Variants in DIP2B observed in about 807,000 individuals in gnomAD.
DIP2B encodes disco-interacting protein 2 homolog B.
DIP2B carries 76 observed loss-of-function variants against 198.0 expected under a neutral mutation model. That is an observed-to-expected ratio of 0.38 (90% CI 0.32 to 0.46). The LOEUF is 0.46. DIP2B is among the 20% of genes least tolerant of loss of function. DIP2B has a pLI of 0.99. For synonymous variants in DIP2B, 701 were observed against 739.1 expected (o/e 0.95, Z 0.84); for missense variants, 1,559 against 1,978.4 (o/e 0.79, Z 4.02).
intron 1 of DIP2B, among the ~76,000 whole-genome samples, chr12:50,600,913 C>CACCACCACCACCACCACCACCACCACT (rs1412736172): frequency 6.7e-6 from 1 of 148,404 alleles, no homozygotes. Context: ...CCACCACCAC[C>CACCACCACCACCACCACCACCACCACT]ACCACCACCA....
At chr12:50,609,403 C>G (rs2139451460) in intron 1 of DIP2B, among the ~76,000 whole-genome samples, 1 of 152,306 alleles carries the variant, frequency 6.6e-6, no homozygotes, top group South Asian at 2.1e-4. Flanking sequence ...AAGTTTATTT[C>G]TAGGTCATGC....
Position 50,744,720 on chromosome 12 carries a change from G to A in DIP2B, c.4612G>A (p.Val1538Ile), listed in dbSNP as rs1940317531. The A allele has an allele frequency of 7.4e-6, 12 of 1,614,064 alleles. No individual in the cohort carries two copies. The highest frequency in any genetic ancestry group is 9.3e-6 in the Non-Finnish European group (11 of 1,180,050). ...EEHYLIVGVV[V>I]VVDPGVIPIN... The stretch of plus-strand genomic sequence containing the variant: ...GCATTACCTCATCGTTGGCGTCGTG[G>A]TTGTGGTGGACCCAGGTGTCATCCC... Residue 1538 changes from valine to isoleucine, a missense_variant, in exon 38 of 38, where the codon GTT becomes ATT. Transcript: ENST00000301180.
intron 1 of DIP2B, among the ~76,000 whole-genome samples, chr12:50,583,737 A>G (rs551763177): frequency 6.6e-6 from 1 of 152,344 alleles, no homozygotes; most frequent in African/African-American, 2.4e-5. Flanking sequence ...ATCTGTGCAG[A>G]TAACACTCTG....
chr12:50,550,255 C>T (rs944435760), intron 1 of DIP2B, among the ~76,000 whole-genome samples: 1 of 152,034 alleles, frequency 6.6e-6, no homozygotes. Context: ...ACAGTGTACT[C>T]GTGGGGCCAG....
intron 1 of DIP2B, among the ~76,000 whole-genome samples, chr12:50,602,878 A>C: frequency 1.0e-5 from 1 of 99,418 alleles, no homozygotes; most frequent in Non-Finnish European, 2.1e-5. Context: ...AAAAAAAAAA[A>C]AATTGGCGGG....
rs930360473 is a variant in DIP2B, at chr12:50,580,507, C to G, written c.101-45469C>G. Reference sequence around the variant, plus strand: ...AAATTTTATTATCTATATTTTTACTCCAGTCTACTTTATCCTTTCTTTTCT... The same window carrying G: ...AAATTTTATTATCTATATTTTTACTGCAGTCTACTTTATCCTTTCTTTTCT... On this transcript the variant is annotated intron_variant, in intron 1 of 37. Coordinates refer to ENST00000301180, the MANE Select transcript of DIP2B (RefSeq NM_173602.3). Among the ~76,000 whole-genome samples, 26 of 146,078 alleles carry G rather than the reference C, an allele frequency of 1.8e-4. 3 individuals are homozygous for G. The highest frequency in any genetic ancestry group is 6.0e-4 in the African/African-American group (24 of 40,250).
chr12:50,546,594 C>T (rs1958379609), intron 1 of DIP2B, among the ~76,000 whole-genome samples: 1 of 152,152 alleles, frequency 6.6e-6, no homozygotes, highest in South Asian at 2.1e-4. Flanking sequence ...TCTCAATGTC[C>T]TTATCTGGAA....
At chr12:50,741,364 G>A in intron 36 of DIP2B, 52 bp from the exon 37 acceptor site, 1 of 1,592,140 alleles carries the variant, frequency 6.3e-7, no homozygotes, top group East Asian at 2.2e-5. Flanking sequence ...CCAGTGTTAT[G>A]TTGCACTCAG....
intron 4 of DIP2B, among the ~76,000 whole-genome samples, chr12:50,663,814 G>T (rs1378302623): frequency 2.0e-5 from 3 of 146,988 alleles, no homozygotes; most frequent in Non-Finnish European, 4.5e-5. Flanking sequence ...AGGCTGCAGT[G>T]AGCCGAGATC....
At chr12:50,641,593 T>G (rs997486156) in intron 3 of DIP2B, among the ~76,000 whole-genome samples, 2 of 152,096 alleles carry the variant, frequency 1.3e-5, no homozygotes, top group African/African-American at 4.8e-5. Flanking sequence ...GAAAGAAAAC[T>G]CACAATGAAA....
intron 2 of DIP2B, among the ~76,000 whole-genome samples, chr12:50,631,239 T>TC (rs1290258911): frequency 1.3e-5 from 2 of 151,598 alleles, no homozygotes; most frequent in Non-Finnish European, 2.9e-5. Flanking sequence ...AGCGATTTTT[T>TC]TTTTTTGAGA....
chr12:50,591,639 TA>T (rs1958819684), intron 1 of DIP2B, among the ~76,000 whole-genome samples: 2 of 151,650 alleles, frequency 1.3e-5, no homozygotes, highest in African/African-American at 4.8e-5. Context: ...TTTTTTTTTT[TA>T]ATAGAAACAT....
chr12:50,613,992 G>A (rs1372283804), intron 1 of DIP2B, among the ~76,000 whole-genome samples: 3 of 151,768 alleles, frequency 2.0e-5, no homozygotes, highest in Admixed American at 6.6e-5. Flanking sequence ...CCATCTTTAA[G>A]AAAAAGAAAA....
Position 50,505,076 on chromosome 12 carries a change from C to T in DIP2B, c.-65C>T, listed in dbSNP as rs900912468. ...CGGATCCTGTAGCCGGGTGTGGGCC[C>T]GTGTCTGTCCGTCCCTCCTTCGGCC... On this transcript the variant is annotated 5_prime_UTR_variant, in exon 1 of 38. Coordinates refer to ENST00000301180, the MANE Select transcript of DIP2B (RefSeq NM_173602.3). 4.2e-6 allele frequency: 6 copies of T among 1,444,324 alleles called. No individual in the cohort carries two copies. In the African/African-American group the frequency reaches 7.3e-5, roughly 18 times the overall value. 89.5% of individuals were successfully genotyped at this position (1,444,324 alleles called of 1,614,324 possible).
chr12:50,714,573 C>A lies in DIP2B; in HGVS notation c.2828C>A (p.Pro943Gln). ...MCPHTCVTNL[P>Q]KPRQKQPGVG... ...CCCCATACATGTGTGACAAACTTGC[C>A]AAAGCCCCGGCAAAAACAACCAGGT... The change falls in exon 23 of 38, where the codon CCA becomes CAA. Residue 943 changes from proline (P) to glutamine (Q), a missense_variant. Physicochemically the swap from Pro to Gln is moderately conservative, Grantham distance 76 (BLOSUM62 -1). Coordinates refer to ENST00000301180, the MANE Select transcript of DIP2B (RefSeq NM_173602.3). 1 of 1,614,048 alleles carries A rather than the reference C, an allele frequency of 6.2e-7. No individual in the cohort carries two copies. Among genetic ancestry groups the A allele is most frequent in the South Asian group, 1.1e-5 (1 of 91,070 alleles).
chr12:50,741,842 T>C (rs1293534421), intron 37 of DIP2B, among the ~76,000 whole-genome samples: 1 of 152,198 alleles, frequency 6.6e-6, no homozygotes, highest in African/African-American at 2.4e-5. Context: ...TAACAGATCA[T>C]TGATCTCTTG....
intron 23 of DIP2B, among the ~76,000 whole-genome samples, chr12:50,716,958 C>CTTTTTTTTGTTTTTTTTTTTTTTTTTTT (rs1939732378): frequency 1.7e-5 from 1 of 58,924 alleles, no homozygotes; most frequent in Non-Finnish European, 3.0e-5. Context: ...CGAATTGTTG[C>CTTTTTTTTGTTTTTTTTTTTTTTTTTTT]TTTTTTTTTT....
intron 1 of DIP2B, among the ~76,000 whole-genome samples, chr12:50,617,253 T>G (rs1937716724): frequency 6.6e-6 from 1 of 151,822 alleles, no homozygotes; most frequent in Non-Finnish European, 1.5e-5. Flanking sequence ...CCTCCCGGGT[T>G]CATGCCATTC....
intron 1 of DIP2B, among the ~76,000 whole-genome samples, chr12:50,522,091 C>T (rs1018798479): frequency 4.6e-5 from 7 of 152,062 alleles, no homozygotes; most frequent in African/African-American, 1.4e-4. Context: ...ACCTCCGTGT[C>T]CGGGGTTCAA....
Sources: allele counts gnomAD v4.1 joint callset (sites outside exome capture counted in the v4.1 genomes callset), GRCh38; gene constraint gnomAD v4.1.1; transcripts MANE v1.5; gene names NCBI Gene and HGNC (gene_info 2026-07-23, HGNC 2026-07-21).